Variants in ZNF487 observed in about 807,000 individuals in gnomAD.
ZNF487 encodes the protein KRAB domain only 1.
ZNF487 carries 4 observed loss-of-function variants against 3.0 expected under a neutral mutation model. That is an observed-to-expected ratio of 1.35 (90% CI 0.66 to 3.08). The LOEUF (loss-of-function observed/expected upper bound fraction) is 3.08. Among genes scored for constraint, ZNF487 ranks in the 30% most tolerant of loss-of-function variants. The probability of loss-of-function intolerance (pLI) is 0.01; values close to 1 mark genes in which losing one functional copy is unlikely to be tolerated. For synonymous variants in ZNF487, 55 were observed against 34.6 expected (o/e 1.59, Z -2.06); for missense variants, 146 against 98.7 (o/e 1.48, Z -2.03).
the ZNF487 span, among the ~76,000 whole-genome samples, chr10:43,503,810 G>A: frequency 5.9e-5 from 9 of 152,084 alleles, no homozygotes; most frequent in Admixed American, 3.9e-4. Flanking sequence ...GTTTCACCAT[G>A]TTGCCCAGGC....
intron 1 of ZNF487, among the ~76,000 whole-genome samples, chr10:43,445,774 A>C (rs193175917): frequency 6.6e-6 from 1 of 152,152 alleles, no homozygotes; most frequent in Admixed American, 6.6e-5. Context: ...GAAGTTCAGC[A>C]GATAAACATG....
In ZNF487 at chr10:43,471,290, AG is replaced by A. The variant is rs140369095; in HGVS notation, c.-93-4430del. On this transcript the variant is annotated intron_variant, in intron 1 of 3. Coordinates refer to ENST00000437590, the MANE Select transcript of ZNF487 (RefSeq NM_001355444.3). ...AGCAAGCTCCGTGTCCAGAATGGCCAGCCAGATCCCACACTTGCTCGCACAC... is the reference window on the plus strand; with the variant it reads ...AGCAAGCTCCGTGTCCAGAATGGCCACCAGATCCCACACTTGCTCGCACAC... Among the ~76,000 whole-genome samples, 931 of 152,284 alleles carry A rather than the reference AG, an allele frequency of 6.1e-3. 9 individuals carry two copies. The highest frequency in any genetic ancestry group is 0.018 in the African/African-American group (738 of 41,572).
chr10:43,495,607 T>C, the ZNF487 span, among the ~76,000 whole-genome samples: 718 of 152,286 alleles, frequency 4.7e-3, 6 homozygotes, highest in African/African-American at 0.017. Flanking sequence ...CAAAACAGAA[T>C]TGAACACTTT....
intron 1 of ZNF487, chr10:43,453,547 G>C (rs542712835): frequency 6.6e-6 from 1 of 152,142 alleles, no homozygotes; most frequent in Admixed American, 6.6e-5. Flanking sequence ...ATGGAGTTAT[G>C]GGGGGAGAGT....
Position 43,482,005 on chromosome 10 carries a change from G to C in ZNF487, c.*83G>C. On this transcript the variant is annotated 3_prime_UTR_variant, in exon 4 of 4. Transcript: ENST00000437590. ...AACTCACATAAGGAAGAGTCACCAT[G>C]AATTCAATGAATGTGAGAGGAGGTC... The C allele has an allele frequency of 1.7e-6, 1 of 589,650 alleles. No homozygotes were observed. The highest frequency in any genetic ancestry group is 3.0e-6 in the Non-Finnish European group (1 of 335,170). The allele number at this position is 589,650 out of a possible 1,614,324, so 36.5% of individuals were successfully genotyped here.
intron 1 of ZNF487, among the ~76,000 whole-genome samples, chr10:43,455,143 G>C (rs1840136186): frequency 6.6e-6 from 1 of 151,668 alleles, no homozygotes; most frequent in African/African-American, 2.4e-5. Flanking sequence ...CGAGTAGCTG[G>C]AACTATAGGC....
At chr10:43,498,093 ATATATATTTTTTTTTTTTTTC>A in the ZNF487 span, among the ~76,000 whole-genome samples, 250 of 13,246 alleles carry the variant, frequency 0.019, 23 homozygotes, top group East Asian at 0.047. Flanking sequence ...ATATATATAT[ATATATATTTTTTTTTTTTTTC>A]TTTTTTTTTT....
chr10:43,455,596 C>T (rs2132073410), intron 1 of ZNF487, among the ~76,000 whole-genome samples: 1 of 152,358 alleles, frequency 6.6e-6, no homozygotes. Flanking sequence ...TGTCGCGGAA[C>T]CTGACGGGAA....
the ZNF487 span, among the ~76,000 whole-genome samples, chr10:43,511,182 T>G: frequency 2.0e-5 from 3 of 152,200 alleles, no homozygotes; most frequent in African/African-American, 7.2e-5. Flanking sequence ...GCCCCAGCCT[T>G]GCAAAATATT....
chr10:43,518,311 T>G, the ZNF487 span, among the ~76,000 whole-genome samples: 1 of 152,130 alleles, frequency 6.6e-6, no homozygotes, highest in Non-Finnish European at 1.5e-5. Context: ...GCTGGTTTAG[T>G]TGGGAGTTCT....
At chr10:43,455,947 G>T (rs1840184419) in intron 1 of ZNF487, among the ~76,000 whole-genome samples, 1 of 152,230 alleles carries the variant, frequency 6.6e-6, no homozygotes, top group South Asian at 2.1e-4. Flanking sequence ...GGGGTTCACC[G>T]CTCTGCTTGC....
chr10:43,451,160 G>A (rs1247852164), intron 1 of ZNF487, among the ~76,000 whole-genome samples: 1 of 151,622 alleles, frequency 6.6e-6, no homozygotes, highest in East Asian at 1.9e-4. Flanking sequence ...TGGTCAGACT[G>A]CTTGTGAACT....
At position 43,437,992 on chromosome 10, in the gene ZNF487, A is replaced by C. The variant is rs566174756; in HGVS notation, c.-94+730A>C. Among the ~76,000 whole-genome samples, 29 of 151,844 alleles carry C rather than the reference A, an allele frequency of 1.9e-4. No homozygotes were observed. In the East Asian group the frequency reaches 5.7e-3, roughly 30 times the overall value. The stretch of plus-strand genomic sequence containing the variant: ...AGGCTGAACCACCGCCTGCCACCGA[A>C]ATATTTCTTCATTGAGTTCCTTTGC... On this transcript the variant is annotated intron_variant, in intron 1 of 3. Coordinates refer to ENST00000437590, the MANE Select transcript of ZNF487 (RefSeq NM_001355444.3).
chr10:43,439,982 G>A (rs140792758), intron 1 of ZNF487, among the ~76,000 whole-genome samples: 1 of 151,782 alleles, frequency 6.6e-6, no homozygotes, highest in African/African-American at 2.4e-5. Context: ...TCACAACAAT[G>A]TGAATCTACT....
intron 3 of ZNF487, among the ~76,000 whole-genome samples, chr10:43,477,152 C>G (rs1841128763): frequency 6.6e-6 from 1 of 151,662 alleles, no homozygotes; most frequent in South Asian, 2.1e-4. Context: ...ACCAGTTGAT[C>G]TGAATTGTGT....
chr10:43,490,500 CTTTTTTTT>C, the ZNF487 span, among the ~76,000 whole-genome samples: 12 of 39,160 alleles, frequency 3.1e-4, no homozygotes, highest in East Asian at 2.4e-3. Context: ...AGTAGCTCTA[CTTTTTTTT>C]TTTTTTTTTT....
chr10:43,443,445 C>T (rs907372544), intron 1 of ZNF487, among the ~76,000 whole-genome samples: 6 of 150,578 alleles, frequency 4.0e-5, no homozygotes, highest in African/African-American at 1.5e-4. Flanking sequence ...GCAATCACGG[C>T]TCACTGAAAC....
intron 1 of ZNF487, among the ~76,000 whole-genome samples, chr10:43,457,059 A>G (rs781491760): frequency 8.5e-5 from 13 of 152,168 alleles, no homozygotes; most frequent in Admixed American, 1.3e-4. Flanking sequence ...TGGATTACCA[A>G]TTTCTGCCTG....
At chr10:43,448,423 C>G (rs1225332957) in intron 1 of ZNF487, among the ~76,000 whole-genome samples, 4 of 152,118 alleles carry the variant, frequency 2.6e-5, no homozygotes, top group Admixed American at 1.3e-4. Context: ...TTCATTTCAT[C>G]TCTTATTGAA....
Sources: gnomAD v4.1 joint callset for allele counts (sites outside exome capture counted in the v4.1 genomes callset) on GRCh38, gnomAD v4.1.1 for gene constraint, MANE v1.5 for transcripts, NCBI Gene and HGNC (gene_info 2026-07-23, HGNC 2026-07-21) for gene names.